SORBS2: variants seen among roughly 807,000 people sequenced by gnomAD.
The protein encoded by SORBS2 is sorbin and SH3 domain-containing protein 2.
In SORBS2, 46 loss-of-function variants were observed where a neutral mutation model predicts 97.7. The observed-to-expected ratio is 0.47, with a 90% CI of 0.37 to 0.60. SORBS2 has a LOEUF of 0.60. Among genes scored for constraint, SORBS2 ranks in the 20% least tolerant of loss-of-function variants. The probability of loss-of-function intolerance (pLI) is 0.00; values close to 1 mark genes in which losing one functional copy is unlikely to be tolerated. For synonymous variants in SORBS2, 476 were observed against 473.4 expected, an observed-to-expected ratio of 1.01 and a Z score of -0.07; for missense variants, 1,316 against 1,282.3, an observed-to-expected ratio of 1.03 and a Z score of -0.40.
At chr4:185,614,805 A>G in intron 11 of SORBS2, 26 bp downstream of exon 23, 1 of 1,612,504 alleles carries the variant, frequency 6.2e-7, no homozygotes, top group Middle Eastern at 1.7e-4. Context: ...AACAAAAACA[A>G]ACAAACAAAA....
chr4:185,879,396 C>A (rs2099235715), intron 1 of SORBS2, among the ~76,000 whole-genome samples: 2 of 152,054 alleles, frequency 1.3e-5, no homozygotes, highest in Non-Finnish European at 2.9e-5. Flanking sequence ...ATATGTGCCA[C>A]ATTTTCTTAA....
chr4:185,691,996 C>T (rs1185345408), intron 2 of SORBS2, among the ~76,000 whole-genome samples: 2 of 152,242 alleles, frequency 1.3e-5, no homozygotes, highest in African/African-American at 4.8e-5. Flanking sequence ...ATCCGCCCGC[C>T]TCGGCCTCCC....
chr4:185,610,288 A>C (rs1328292625), intron 12 of SORBS2, among the ~76,000 whole-genome samples: 1 of 152,210 alleles, frequency 6.6e-6, no homozygotes, highest in African/African-American at 2.4e-5. Flanking sequence ...AAGATGACTG[A>C]ATGGTGGATA....
chr4:185,750,775 G>A (rs191584828), intron 2 of SORBS2, among the ~76,000 whole-genome samples: 33 of 152,180 alleles, frequency 2.2e-4, no homozygotes, highest in Admixed American at 2.0e-3. Flanking sequence ...AAGAAAACTG[G>A]GCTCTTGATT....
intron 1 of SORBS2, among the ~76,000 whole-genome samples, chr4:185,870,682 A>G (rs916872415): frequency 1.3e-5 from 2 of 152,154 alleles, no homozygotes; most frequent in Non-Finnish European, 2.9e-5. Flanking sequence ...GCAGGTCGTG[A>G]GGGCTGCCCG....
chr4:185,751,059 C>T lies in SORBS2; in HGVS notation c.-198+24168G>A, dbSNP rs77086148. ...GTTTGGGGAGACAAAACATACCACA[C>T]GAAAAGTTCATGATACAGGATTTAA... is the stretch of plus-strand genomic sequence containing the variant. On this transcript the variant is annotated intron_variant, in intron 2 of 20. Transcript: ENST00000284776. Among the ~76,000 whole-genome samples, 29 of 150,840 alleles carry T rather than the reference C, an allele frequency of 1.9e-4. No homozygotes were observed. The East Asian group carries it at 2.0e-3, about 10-fold the overall frequency.
intron 1 of SORBS2, among the ~76,000 whole-genome samples, chr4:185,797,119 T>C (rs1351281484): frequency 2.0e-5 from 3 of 152,288 alleles, no homozygotes; most frequent in Admixed American, 6.5e-5. Flanking sequence ...ACTCTATGCA[T>C]CCCATGCGCC....
chr4:185,940,908 G>A (rs758757179), intron 1 of SORBS2, among the ~76,000 whole-genome samples: 1 of 152,044 alleles, frequency 6.6e-6, no homozygotes, highest in Admixed American at 6.6e-5. Flanking sequence ...GCCTCCCTAG[G>A]GGCATTTAGC....
At chr4:185,778,980 C>T (rs1202497294) in intron 1 of SORBS2, among the ~76,000 whole-genome samples, 5 of 152,104 alleles carry the variant, frequency 3.3e-5, no homozygotes, top group South Asian at 2.1e-4. Flanking sequence ...ATTAGTTTGC[C>T]GAATGACTTC....
At chr4:185,600,037 T>C (rs897907218) in intron 12 of SORBS2, among the ~76,000 whole-genome samples, 5 of 152,178 alleles carry the variant, frequency 3.3e-5, no homozygotes. Flanking sequence ...AGGACACATA[T>C]CTCGCTTTTT....
intron 1 of SORBS2, among the ~76,000 whole-genome samples, chr4:185,832,277 G>T (rs527391987): frequency 6.6e-6 from 1 of 152,168 alleles, no homozygotes; most frequent in Admixed American, 6.5e-5. Flanking sequence ...ATCTGATGCT[G>T]TTACATATCT....
chr4:185,595,363 T>C (rs1421518503), intron 12 of SORBS2, among the ~76,000 whole-genome samples: 5 of 152,208 alleles, frequency 3.3e-5, no homozygotes, highest in Admixed American at 2.6e-4. Context: ...GATGTATCTA[T>C]TATTAAAATT....
rs745838242 is a variant in SORBS2 at position 185,612,055 on chromosome 4, A to T, written c.2596-75T>A. The T allele has an allele frequency of 3.5e-6, 4 of 1,138,494 alleles. No individual in the cohort carries two copies. In the African/African-American group the frequency reaches 6.2e-5, roughly 18 times the overall value. 70.5% of individuals were successfully genotyped at this position (1,138,494 alleles called of 1,614,324 possible). ...GAAAATATAATTGTCAATGTTTTCT[A>T]TGAAAAAATAGGTTTCCATTTGGGC... On this transcript the variant is annotated intron_variant, in intron 11 of 14. Transcript: ENST00000418609.
At chr4:185,731,852 CTCTCTCTCTCTCTCTATATATATATATA>C (rs1481726638) in intron 2 of SORBS2, among the ~76,000 whole-genome samples, 13 of 33,080 alleles carry the variant, frequency 3.9e-4, no homozygotes, top group African/African-American at 1.5e-3. Context: ...CTCTCTCTCT[CTCTCTCTCTCTCTCTATATATATATATA>C]TATATATATA....
At chr4:185,883,188 G>T (rs1027140482) in intron 1 of SORBS2, among the ~76,000 whole-genome samples, 12 of 151,982 alleles carry the variant, frequency 7.9e-5, no homozygotes, top group African/African-American at 2.9e-4. Context: ...ACCATAAAAA[G>T]AACTTTTAAA....
intron 2 of SORBS2, among the ~76,000 whole-genome samples, chr4:185,718,312 T>C (rs2098483188): frequency 6.6e-6 from 1 of 152,234 alleles, no homozygotes; most frequent in Non-Finnish European, 1.5e-5. Flanking sequence ...AGCTATCATT[T>C]TCATTATTAT....
intron 1 of SORBS2, among the ~76,000 whole-genome samples, chr4:185,653,345 A>G (rs1172771101): frequency 6.6e-6 from 1 of 152,244 alleles, no homozygotes; most frequent in Non-Finnish European, 1.5e-5. Flanking sequence ...TTGCTCGGCT[A>G]AAATTGTAGG....
At chr4:185,633,851 T>A (rs1293707796) in intron 4 of SORBS2, among the ~76,000 whole-genome samples, 7 of 152,070 alleles carry the variant, frequency 4.6e-5, no homozygotes, top group Non-Finnish European at 5.9e-5. Flanking sequence ...CCATTTCAGT[T>A]ATCTATGAAC....
chr4:185,793,934 C>G (rs2099093077), intron 1 of SORBS2, among the ~76,000 whole-genome samples: 1 of 152,210 alleles, frequency 6.6e-6, no homozygotes, highest in South Asian at 2.1e-4. Flanking sequence ...GGGCCTTGGT[C>G]CCCGCAGGCT....
Sources: gnomAD v4.1 joint callset for allele counts (sites outside exome capture counted in the v4.1 genomes callset) on GRCh38, gnomAD v4.1.1 for gene constraint, MANE v1.5 for transcripts, NCBI Gene and HGNC (gene_info 2026-07-23, HGNC 2026-07-21) for gene names.